CCDC195: variants seen among roughly 807,000 people sequenced by gnomAD.
CCDC195 encodes the protein coiled-coil domain containing 195.
At chr2:224,710,562 CG>C (rs933077421) in intron 1 of CCDC195, among the ~76,000 whole-genome samples, 12 of 152,254 alleles carry the variant, frequency 7.9e-5, no homozygotes, top group Admixed American at 7.8e-4. Flanking sequence ...TGCTTGAATC[CG>C]GGAGGCAGAG....
intron 1 of CCDC195, among the ~76,000 whole-genome samples, chr2:224,715,159 C>T (rs1487357156): frequency 6.6e-6 from 1 of 152,158 alleles, no homozygotes; most frequent in Admixed American, 6.5e-5. Context: ...AATCTCTTGA[C>T]CTCATCACCC....
chr2:224,707,134 G>T (rs1300407647), intron 2 of CCDC195, among the ~76,000 whole-genome samples: 1 of 151,998 alleles, frequency 6.6e-6, no homozygotes, highest in Non-Finnish European at 1.5e-5. Flanking sequence ...ATCCCCTCTT[G>T]CCTAGATTAT....
Position 224,711,506 on chromosome 2 carries a change from G to A in CCDC195, c.236-1287C>T, listed in dbSNP as rs140365960. ...CATTTAACCTCTACTTGGAGGTCTG[G>A]TGATTATCCAACATCTACTTGCATG... is the stretch of plus-strand genomic sequence containing the variant. On this transcript the variant is annotated intron_variant, in intron 1 of 2. Transcript: ENST00000638102. Among the ~76,000 whole-genome samples the A allele has an allele frequency of 1.8e-4, 27 of 152,146 alleles. No homozygotes were observed. In the East Asian group the frequency reaches 4.6e-3, roughly 26 times the overall value.
At chr2:224,716,215 C>T (rs1448320590) in exon 1 of CCDC195, 1 of 398,594 alleles carries the variant, frequency 2.5e-6, no homozygotes, top group Non-Finnish European at 4.4e-6. Context: ...GCTTCCTCCT[C>T]CCTTTCGTCT....
exon 1 of CCDC195, chr2:224,716,203 G>C: frequency 2.5e-6 from 1 of 398,728 alleles, no homozygotes; most frequent in Non-Finnish European, 4.4e-6. Flanking sequence ...GATTGTCCTG[G>C]CGCTTCCTCC....
At chr2:224,715,597 T>C (rs182668274) in intron 1 of CCDC195, among the ~76,000 whole-genome samples, 1 of 152,340 alleles carries the variant, frequency 6.6e-6, no homozygotes, top group Non-Finnish European at 1.5e-5. Context: ...CTGTAGTTAA[T>C]CCTCACAACC....
chr2:224,711,204 A>G (rs1352447811), intron 1 of CCDC195, among the ~76,000 whole-genome samples: 2 of 152,210 alleles, frequency 1.3e-5, no homozygotes, highest in Non-Finnish European at 2.9e-5. Context: ...CAAAGGAGAC[A>G]CATGGCAAAG....
intron 2 of CCDC195, among the ~76,000 whole-genome samples, chr2:224,706,509 CTTTTTTTTT>C (rs35298629): frequency 1.0e-5 from 1 of 95,732 alleles, no homozygotes; most frequent in Non-Finnish European, 2.1e-5. Flanking sequence ...CTGGCTGTAA[CTTTTTTTTT>C]TTTTTTTTTT....
intron 1 of CCDC195, among the ~76,000 whole-genome samples, chr2:224,714,249 ACCT>A (rs1479081041): frequency 6.6e-6 from 1 of 152,082 alleles, no homozygotes; most frequent in Non-Finnish European, 1.5e-5. Context: ...ATATGTTCTA[ACCT>A]CCTCTAAGCT....
At chr2:224,706,981 A>G (rs1689209123) in intron 2 of CCDC195, among the ~76,000 whole-genome samples, 1 of 151,902 alleles carries the variant, frequency 6.6e-6, no homozygotes, top group Non-Finnish European at 1.5e-5. Context: ...CTTTGAAGAC[A>G]CATGACCAAT....
At chr2:224,704,981 A>C (rs1178764608) in intron 2 of CCDC195, among the ~76,000 whole-genome samples, 1 of 152,288 alleles carries the variant, frequency 6.6e-6, no homozygotes, top group South Asian at 2.1e-4. Flanking sequence ...CACTGGAATC[A>C]ATAAAATAAT....
chr2:224,704,610 C>CTTTTTTTTTTTTTTTTCTTTTT (rs1398110494), intron 2 of CCDC195, among the ~76,000 whole-genome samples: 1 of 110,616 alleles, frequency 9.0e-6, no homozygotes, highest in Non-Finnish European at 1.7e-5. Flanking sequence ...CTTTTCTTTT[C>CTTTTTTTTTTTTTTTTCTTTTT]TTTTTTTTTT....
intron 1 of CCDC195, among the ~76,000 whole-genome samples, chr2:224,715,364 C>T (rs1461820792): frequency 6.6e-6 from 1 of 152,166 alleles, no homozygotes; most frequent in Non-Finnish European, 1.5e-5. Context: ...GTGTAATCTT[C>T]ACAGTCAAAA....
intron 1 of CCDC195, among the ~76,000 whole-genome samples, 162 bp from the exon 2 acceptor site, chr2:224,710,381 A>G (rs10933072): frequency 0.7 from 106,901 of 152,200 alleles, 38,460 homozygotes; most frequent in African/African-American, 0.87. Context: ...GGTGGCTCAC[A>G]CCTGTAATCC....
At chr2:224,704,121 CT>C (rs1697209853) in intron 2 of CCDC195, among the ~76,000 whole-genome samples, 1 of 152,150 alleles carries the variant, frequency 6.6e-6, no homozygotes, top group Non-Finnish European at 1.5e-5. Flanking sequence ...CTTAAAACTA[CT>C]GAGGGAGAGA....
At chr2:224,713,402 C>A (rs1689344289) in intron 1 of CCDC195, among the ~76,000 whole-genome samples, 1 of 152,188 alleles carries the variant, frequency 6.6e-6, no homozygotes, top group African/African-American at 2.4e-5. Context: ...TAGATTCCAT[C>A]ATTACCTCCA....
intron 2 of CCDC195, among the ~76,000 whole-genome samples, chr2:224,705,057 G>A (rs977197342): frequency 6.6e-6 from 1 of 152,072 alleles, no homozygotes; most frequent in African/African-American, 2.4e-5. Flanking sequence ...AAAACTATGA[G>A]GTATCTGCCT....
chr2:224,706,675 T>A (rs1697244384), intron 2 of CCDC195, among the ~76,000 whole-genome samples: 1 of 151,244 alleles, frequency 6.6e-6, no homozygotes, highest in African/African-American at 2.4e-5. Context: ...CACGCCTGGC[T>A]AATTTTTGTA....
At chr2:224,714,408 A>ATTG (rs56300572) in intron 1 of CCDC195, among the ~76,000 whole-genome samples, 106,791 of 151,802 alleles carry the variant, frequency 0.7, 38,462 homozygotes, top group African/African-American at 0.87. Context: ...GACTTGAAGT[A>ATTG]TTGTTTATTT....
Sources: allele counts gnomAD v4.1 joint callset (sites outside exome capture counted in the v4.1 genomes callset), GRCh38; gene constraint gnomAD v4.1.1; transcripts MANE v1.5; gene names NCBI Gene and HGNC (gene_info 2026-07-23, HGNC 2026-07-21).